Variants in RGS7BP observed in about 807,000 individuals in gnomAD.
The protein encoded by RGS7BP is regulator of G protein signaling 7 binding protein, also known as regulator of G protein signaling 7-binding protein.
In RGS7BP, 9 loss-of-function variants were observed where a neutral mutation model predicts 31.3. The observed-to-expected ratio is 0.29, with a 90% CI of 0.17 to 0.50. RGS7BP has a LOEUF of 0.50. Ranked by LOEUF, RGS7BP falls within the 20% of genes least tolerant of loss-of-function variation. The pLI, the probability that RGS7BP is intolerant of heterozygous loss-of-function variation, is 0.98. For synonymous variants in RGS7BP, 115 were observed against 120.1 expected, an observed-to-expected ratio of 0.96 and a Z score of 0.28; for missense variants, 274 against 322.0, an observed-to-expected ratio of 0.85 and a Z score of 1.14.
intron 2 of RGS7BP, among the ~76,000 whole-genome samples, chr5:64,558,848 GT>G (rs1409402380): frequency 1.3e-5 from 2 of 152,186 alleles, no homozygotes; most frequent in African/African-American, 4.8e-5. Flanking sequence ...GCCTTATGCA[GT>G]TGCAGATAAG....
chr5:64,604,883 G>A (rs925108903), intron 5 of RGS7BP, among the ~76,000 whole-genome samples: 2 of 152,052 alleles, frequency 1.3e-5, no homozygotes, highest in Non-Finnish European at 1.5e-5. Context: ...AGAATTAAAT[G>A]TTGAGGCTGG....
chr5:64,533,169 CTT>C (rs962672242), intron 2 of RGS7BP, among the ~76,000 whole-genome samples: 2 of 152,190 alleles, frequency 1.3e-5, no homozygotes, highest in African/African-American at 2.4e-5. Context: ...TTTCTTCCCT[CTT>C]GAGTGGACCT....
At chr5:64,508,625 C>T (rs569189432) in intron 2 of RGS7BP, among the ~76,000 whole-genome samples, 123 of 152,312 alleles carry the variant, frequency 8.1e-4, no homozygotes, top group Middle Eastern at 3.4e-3. Flanking sequence ...ATTTTGTTAA[C>T]AGTTCCTATT....
Position 64,594,947 on chromosome 5 carries a change from A to G in RGS7BP, c.611+90A>G, listed in dbSNP as rs533496832. On this transcript the variant is annotated intron_variant, in intron 4 of 5. Coordinates refer to ENST00000334025, the MANE Select transcript of RGS7BP (RefSeq NM_001029875.3). ...AGAGAGACGAGGTTTTCTAGTTCAGATTCAGAAACAGAGCTTTCTTTGGTA... is the reference window on the plus strand; with the variant it reads ...AGAGAGACGAGGTTTTCTAGTTCAGGTTCAGAAACAGAGCTTTCTTTGGTA... 4 of 1,368,222 alleles carry G rather than the reference A, an allele frequency of 2.9e-6. No homozygotes were observed. The East Asian group carries it at 9.2e-5, about 32-fold the overall frequency. 84.8% of individuals were successfully genotyped at this position (1,368,222 alleles called of 1,614,324 possible).
At chr5:64,587,616 G>A (rs535305811) in intron 3 of RGS7BP, among the ~76,000 whole-genome samples, 27 of 152,296 alleles carry the variant, frequency 1.8e-4, no homozygotes, top group African/African-American at 6.5e-4. Flanking sequence ...TGTCAGGACT[G>A]AGCAGCAAAG....
At position 64,521,388 on chromosome 5, in the gene RGS7BP, C is replaced by A. The variant is rs201604344; in HGVS notation, c.332+13511C>A. ...TCTCCTGCCTCAGCCTCCCAAGTAG[C>A]TGGGACTACAGGCATGCGCCACCAC... On this transcript the variant is annotated intron_variant, in intron 2 of 5. Coordinates refer to ENST00000334025, the MANE Select transcript of RGS7BP (RefSeq NM_001029875.3). Among the ~76,000 whole-genome samples the A allele has an allele frequency of 3.3e-5, 5 of 152,156 alleles. No homozygotes were observed. In the East Asian group the frequency reaches 9.6e-4, roughly 29 times the overall value.
rs148372422 is a variant in RGS7BP at position 64,590,888 on chromosome 5, G to A, written c.464-3822G>A. Among the ~76,000 whole-genome samples the A allele has an allele frequency of 3.2e-3, 494 of 152,200 alleles. 1 individual carries two copies. The highest frequency in any genetic ancestry group is 0.011 in the African/African-American group (472 of 41,550). On this transcript the variant is annotated intron_variant, in intron 3 of 5. Transcript: ENST00000334025. Reference sequence around the variant, plus strand: ...GTCAACAGAAAAGTCATTAAATGCTGTTGGGGCAATTGGCTCTTCATTTGA... The same window carrying A: ...GTCAACAGAAAAGTCATTAAATGCTATTGGGGCAATTGGCTCTTCATTTGA...
At position 64,506,555 on chromosome 5, in the gene RGS7BP, A is replaced by G. The variant is rs947938158; in HGVS notation, c.-70A>G. On this transcript the variant is annotated 5_prime_UTR_variant, in exon 1 of 6. Coordinates refer to ENST00000334025, the MANE Select transcript of RGS7BP (RefSeq NM_001029875.3). This position sits in a 1 kb window ranked among gnomAD's most constrained non-coding sequence, Gnocchi z 4.6. ...CTCCGGCTGCTTGGCGGCGGCGCCC[A>G]GGGCAACAACCGGGCCGCCCGCGCC... 3.4e-5 allele frequency: 49 copies of G among 1,433,574 alleles called. No individual in the cohort carries two copies. The highest frequency in any genetic ancestry group is 1.0e-5 in the Non-Finnish European group (11 of 1,054,940). The allele number at this position is 1,433,574 out of a possible 1,614,324, so 88.8% of individuals were successfully genotyped here. A position where few individuals can be genotyped will look rare whatever the true frequency, so the allele number is the denominator to read the frequency against.
At position 64,598,394 on chromosome 5, in the gene RGS7BP, G is replaced by A; in HGVS notation, c.641G>A (p.Ser214Asn). 6.2e-7 allele frequency: 1 copy of A among 1,604,766 alleles called. No homozygotes were observed. The highest frequency in any genetic ancestry group is 8.5e-7 in the Non-Finnish European group (1 of 1,171,650). The change falls in exon 5 of 6, where the codon AGC (serine) becomes AAC (asparagine). Residue 214 changes from serine (S) to asparagine (N), a missense_variant. Transcript: ENST00000334025. The part of the protein sequence containing the change: ...RDMREMKNLL[S>N]KLRETMPLPL... ...ATGAGAGAAATGAAAAACCTTTTAA[G>A]CAAACTCAGGGAAACTATGCCTTTA...
intron 2 of RGS7BP, among the ~76,000 whole-genome samples, chr5:64,560,336 G>A (rs1742023229): frequency 6.6e-6 from 1 of 151,976 alleles, no homozygotes; most frequent in South Asian, 2.1e-4. Flanking sequence ...GAAACTCTAG[G>A]GATAGAGCCC....
At chr5:64,557,622 C>A (rs1321396326) in intron 2 of RGS7BP, among the ~76,000 whole-genome samples, 1 of 152,160 alleles carries the variant, frequency 6.6e-6, no homozygotes, top group African/African-American at 2.4e-5. Flanking sequence ...TGAGCAGGAA[C>A]ATGACTTTGT....
At chr5:64,602,622 C>G (rs60222119) in intron 5 of RGS7BP, among the ~76,000 whole-genome samples, 1,806 of 152,242 alleles carry the variant, frequency 0.012, 39 homozygotes, top group African/African-American at 0.042. Context: ...ATGGGAATCA[C>G]CTAGGAAACT....
At chr5:64,562,876 G>T (rs1742086175) in intron 2 of RGS7BP, among the ~76,000 whole-genome samples, 1 of 152,142 alleles carries the variant, frequency 6.6e-6, no homozygotes, top group African/African-American at 2.4e-5. Flanking sequence ...AATGAGCCAG[G>T]CAGTAAGCTA....
chr5:64,541,679 T>C (rs567901663), intron 2 of RGS7BP, among the ~76,000 whole-genome samples: 2 of 152,376 alleles, frequency 1.3e-5, no homozygotes, highest in African/African-American at 4.8e-5. Flanking sequence ...CTTACAGTTA[T>C]TTACACTTTG....
intron 5 of RGS7BP, among the ~76,000 whole-genome samples, chr5:64,606,320 G>A (rs915750579): frequency 0.045 from 5 of 112 alleles, no homozygotes; most frequent in Non-Finnish European, 0.096. Context: ...CCTCATGTAA[G>A]AGGAGCAAAC....
intron 2 of RGS7BP, among the ~76,000 whole-genome samples, chr5:64,511,698 C>T (rs1748840905): frequency 6.6e-6 from 1 of 152,154 alleles, no homozygotes; most frequent in African/African-American, 2.4e-5. Flanking sequence ...GTCTAAGATT[C>T]AGAGGATTTA....
intron 2 of RGS7BP, among the ~76,000 whole-genome samples, chr5:64,554,848 A>G (rs1741883821): frequency 6.6e-6 from 1 of 152,088 alleles, no homozygotes; most frequent in Non-Finnish European, 1.5e-5. Context: ...AAAAAGACCA[A>G]GCATACTTGG....
At chr5:64,602,822 G>T (rs554783447) in intron 5 of RGS7BP, among the ~76,000 whole-genome samples, 5 of 152,166 alleles carry the variant, frequency 3.3e-5, no homozygotes, top group Non-Finnish European at 7.3e-5. Flanking sequence ...TTCTCACCTA[G>T]CCTAGGCTTT....
At chr5:64,584,787 G>A (rs139400791) in intron 3 of RGS7BP, among the ~76,000 whole-genome samples, 26 of 152,298 alleles carry the variant, frequency 1.7e-4, no homozygotes, top group African/African-American at 4.8e-4. Flanking sequence ...ATGGAGCTCC[G>A]GGTATGGCAT....
Sources: gnomAD v4.1 joint callset for allele counts (sites outside exome capture counted in the v4.1 genomes callset) on GRCh38, gnomAD v4.1.1 for gene constraint, Gnocchi (gnomAD v3.1) non-coding constraint, MANE v1.5 for transcripts, NCBI Gene and HGNC (gene_info 2026-07-23, HGNC 2026-07-21) for gene names.